Variants in LNPK observed in about 807,000 individuals in gnomAD.
The protein encoded by LNPK is endoplasmic reticulum junction formation protein lunapark.
A neutral mutation model predicts 55.2 loss-of-function variants in LNPK; 29 were observed. The observed-to-expected ratio is 0.53, with a 90% CI of 0.39 to 0.72. LNPK has a LOEUF of 0.72. LNPK is among the 30% of genes least tolerant of loss of function. The pLI is 0.00. For synonymous variants in LNPK, 162 were observed against 168.2 expected, an observed-to-expected ratio of 0.96 and a Z score of 0.29; for missense variants, 467 against 494.8, an observed-to-expected ratio of 0.94 and a Z score of 0.53.
intron 8 of LNPK, among the ~76,000 whole-genome samples, chr2:175,962,765 G>A (rs1399584777): frequency 5.9e-5 from 9 of 151,956 alleles, no homozygotes; most frequent in South Asian, 4.2e-4. Flanking sequence ...GACTGAACAC[G>A]CAATCTACAG....
chr2:175,962,955 T>C (rs530990671), intron 8 of LNPK, among the ~76,000 whole-genome samples: 78 of 148,332 alleles, frequency 5.3e-4, no homozygotes, highest in African/African-American at 2.0e-3. Context: ...CATGAAAAAA[T>C]GCTCATCATC....
In LNPK at chr2:175,992,323, C is replaced by T; in HGVS notation, c.165G>A (p.Leu55=). 3 of 1,566,326 alleles carry T rather than the reference C, an allele frequency of 1.9e-6. No individual in the cohort carries two copies. The highest frequency in any genetic ancestry group is 2.6e-6 in the Non-Finnish European group (3 of 1,161,496). ...RLILYSSVLY[L]FTCLIVYLWY... ...ACAAATATACAATTAAGCATGTAAA[C>T]AGATAGAGAACTGAGGAATACAGAA... is the stretch of plus-strand genomic sequence containing the variant. Residue 55 remains leucine, a synonymous_variant, in exon 4 of 13, where the codon CTG becomes CTA. Transcript: ENST00000272748.
chr2:175,988,510 T>TC (rs1687538508), intron 4 of LNPK, among the ~76,000 whole-genome samples: 1 of 88,026 alleles, frequency 1.1e-5, no homozygotes, highest in African/African-American at 4.6e-5. Flanking sequence ...AGACTCTGTC[T>TC]CCAAAAAAAA....
At chr2:175,944,127 T>A (rs1685001517) in intron 9 of LNPK, among the ~76,000 whole-genome samples, 1 of 152,118 alleles carries the variant, frequency 6.6e-6, no homozygotes, top group Non-Finnish European at 1.5e-5. Context: ...TATTTCTATA[T>A]ACTAGCAATA....
rs375528889 is a variant in LNPK at position 175,929,743 on chromosome 2, G to A, written c.*224C>T. On this transcript the variant is annotated 3_prime_UTR_variant, in exon 13 of 13. Transcript: ENST00000272748. The stretch of plus-strand genomic sequence containing the variant: ...TCTAAAAGCTGTCTCAATAGTGTGG[G>A]TCTTTGTACATTCAAAAGGATCTTA... The A allele has an allele frequency of 5.0e-6, 7 of 1,388,770 alleles. No homozygotes were observed. In the African/African-American group the frequency reaches 8.7e-5, roughly 17 times the overall value. 86.0% of individuals were successfully genotyped at this position (1,388,770 alleles called of 1,614,324 possible). A position where few individuals can be genotyped will look rare whatever the true frequency, so the allele number is the denominator to read the frequency against.
At chr2:175,977,929 C>T (rs1259187716) in intron 5 of LNPK, among the ~76,000 whole-genome samples, 1 of 152,074 alleles carries the variant, frequency 6.6e-6, no homozygotes, top group Non-Finnish European at 1.5e-5. Flanking sequence ...ATGATAACTA[C>T]AGGAGATAAC....
chr2:175,941,201 T>C (rs1002510779), intron 9 of LNPK: 10 of 282,354 alleles, frequency 3.5e-5, no homozygotes, highest in Middle Eastern at 2.6e-3. Flanking sequence ...CAGTGAGCCA[T>C]GATCGTACCA....
chr2:175,988,592 T>C (rs1231911288), intron 4 of LNPK, among the ~76,000 whole-genome samples: 1 of 151,852 alleles, frequency 6.6e-6, no homozygotes, highest in Non-Finnish European at 1.5e-5. Context: ...GACTTCTTTG[T>C]CAGCTTATTT....
At chr2:175,949,787 A>G (rs1370220950) in intron 8 of LNPK, among the ~76,000 whole-genome samples, 1 of 152,114 alleles carries the variant, frequency 6.6e-6, no homozygotes, top group East Asian at 1.9e-4. Flanking sequence ...TAGTTTCATC[A>G]TTTTCAAAGG....
At chr2:175,963,249 T>G (rs548623409) in intron 8 of LNPK, among the ~76,000 whole-genome samples, 4 of 152,162 alleles carry the variant, frequency 2.6e-5, no homozygotes, top group African/African-American at 9.7e-5. Context: ...TAAAGACACA[T>G]GCAGATGTAT....
At chr2:175,930,745 T>C (rs993781901) in intron 12 of LNPK, among the ~76,000 whole-genome samples, 4 of 152,062 alleles carry the variant, frequency 2.6e-5, no homozygotes, top group Non-Finnish European at 5.9e-5. Flanking sequence ...AACTGGGAAG[T>C]CAGGTTTCTA....
intron 9 of LNPK, among the ~76,000 whole-genome samples, chr2:175,947,140 T>C (rs1287162005): frequency 1.3e-5 from 2 of 152,158 alleles, no homozygotes; most frequent in Non-Finnish European, 1.5e-5. Context: ...ATTCCAAAAG[T>C]GTTTTCTTCT....
chr2:175,992,371 T>C lies in LNPK; in HGVS notation c.117A>G (p.Gln39=), dbSNP rs1233127818. ...EEFREKNQRL[Q]KLWVGRLILY... is the part of the protein sequence containing the mutation. ...GAATTAATCTTCCAACCCATAATTT[T>C]TGTAATCTCTGATTTTTTTCCCTAA... The change falls in exon 4 of 13, where the codon CAA becomes CAG. Residue 39 remains glutamine, a synonymous_variant. Coordinates refer to ENST00000272748, the MANE Select transcript of LNPK (RefSeq NM_030650.3). The C allele has an allele frequency of 6.6e-7, 1 of 1,518,372 alleles. No homozygotes were observed. Among genetic ancestry groups the C allele is most frequent in the South Asian group, 1.4e-5 (1 of 73,524 alleles). The allele number at this position is 1,518,372 out of a possible 1,614,324, so 94.1% of individuals were successfully genotyped here. A position where few individuals can be genotyped will look rare whatever the true frequency, so the allele number is the denominator to read the frequency against.
intron 4 of LNPK, among the ~76,000 whole-genome samples, chr2:175,983,934 T>G (rs1417377067): frequency 6.6e-6 from 1 of 150,720 alleles, no homozygotes; most frequent in Non-Finnish European, 1.5e-5. Flanking sequence ...AAATTAAATG[T>G]TAAAAAAAAA....
At chr2:175,931,191 GA>G (rs1361145664) in intron 12 of LNPK, among the ~76,000 whole-genome samples, 2 of 152,020 alleles carry the variant, frequency 1.3e-5, no homozygotes, top group Admixed American at 6.6e-5. Flanking sequence ...TATCAGTTGA[GA>G]AAAAAAGCAT....
chr2:175,951,607 A>ATATATATATATATATC (rs972901665), intron 8 of LNPK, among the ~76,000 whole-genome samples: 29 of 121,704 alleles, frequency 2.4e-4, no homozygotes, highest in Admixed American at 5.7e-4. Flanking sequence ...ATATATATAT[A>ATATATATATATATATC]TATCTCAGTT....
chr2:175,987,513 G>C (rs546071247), intron 4 of LNPK, among the ~76,000 whole-genome samples: 33 of 152,226 alleles, frequency 2.2e-4, no homozygotes, highest in Non-Finnish European at 2.8e-4. Context: ...TCACACACCA[G>C]GGCCTGTTGT....
chr2:175,992,331 G>C lies in LNPK; in HGVS notation c.157C>G (p.Leu53Val). 6.4e-7 allele frequency: 1 copy of C among 1,558,606 alleles called. No individual in the cohort carries two copies. Among genetic ancestry groups the C allele is most frequent in the Non-Finnish European group, 8.6e-7 (1 of 1,157,556 alleles). ...VGRLILYSSV[L>V]YLFTCLIVYL... Reference sequence around the variant, plus strand: ...ACAATTAAGCATGTAAACAGATAGAGAACTGAGGAATACAGAATTAATCTT... The same window carrying C: ...ACAATTAAGCATGTAAACAGATAGACAACTGAGGAATACAGAATTAATCTT... Residue 53 changes from leucine (L) to valine (V), a missense_variant, in exon 4 of 13, where the codon CTC becomes GTC. Leu to Val is a conservative substitution (Grantham distance 32, BLOSUM62 1). Coordinates refer to ENST00000272748, the MANE Select transcript of LNPK (RefSeq NM_030650.3).
At chr2:175,948,271 A>G (rs144490573) in intron 8 of LNPK, among the ~76,000 whole-genome samples, 153 of 152,274 alleles carry the variant, frequency 1.0e-3, no homozygotes, top group African/African-American at 3.3e-3. Context: ...TATAAACAAC[A>G]TTTCATCATT....
Sources: gnomAD v4.1 joint callset for allele counts (sites outside exome capture counted in the v4.1 genomes callset) on GRCh38, gnomAD v4.1.1 for gene constraint, MANE v1.5 for transcripts, NCBI Gene and HGNC (gene_info 2026-07-23, HGNC 2026-07-21) for gene names.